EFL1: variants seen among roughly 807,000 people sequenced by gnomAD.
The protein encoded by EFL1 is elongation factor-like GTPase 1.
EFL1 carries 76 observed loss-of-function variants against 126.7 expected under a neutral mutation model. The observed-to-expected ratio is 0.60, with a 90% CI of 0.50 to 0.73. The LOEUF is 0.73. Among genes scored for constraint, EFL1 ranks in the 30% least tolerant of loss-of-function variants. The pLI, the probability that EFL1 is intolerant of heterozygous loss-of-function variation, is 0.00. For synonymous variants in EFL1, 410 were observed against 448.4 expected, an observed-to-expected ratio of 0.91 and a Z score of 1.08; for missense variants, 1,128 against 1,343.2, an observed-to-expected ratio of 0.84 and a Z score of 2.50.
chr15:82,259,381 G>A (rs1457459365), intron 2 of EFL1, among the ~76,000 whole-genome samples: 1 of 152,164 alleles, frequency 6.6e-6, no homozygotes, highest in Non-Finnish European at 1.5e-5. Context: ...CAACCCTGTG[G>A]ATCTACTCAA....
chr15:82,172,514 T>C (rs2074147458), intron 15 of EFL1, among the ~76,000 whole-genome samples: 1 of 152,232 alleles, frequency 6.6e-6, no homozygotes, highest in African/African-American at 2.4e-5. Context: ...GTACAAGAAT[T>C]ACCCTCTTTG....
intron 14 of EFL1, among the ~76,000 whole-genome samples, chr15:82,219,313 A>G (rs1039592736): frequency 6.6e-6 from 1 of 152,080 alleles, no homozygotes; most frequent in African/African-American, 2.4e-5. Flanking sequence ...GGATCTTCCT[A>G]TTTCTCAAAG....
Position 82,259,342 on chromosome 15 carries a change from A to G in EFL1, c.92-187T>C, listed in dbSNP as rs2075093152. 2.0e-5 allele frequency among the ~76,000 whole-genome samples: 3 copies of G among 152,218 alleles called. No homozygotes were observed. In the South Asian group the frequency reaches 6.2e-4, roughly 32 times the overall value. On this transcript the variant is annotated intron_variant, in intron 2 of 19. Coordinates refer to ENST00000268206, the MANE Select transcript of EFL1 (RefSeq NM_024580.6). ...TATCATCTGGAAGGACACAGAGGCT[A>G]GCACTCTATAATGCTGTAATCTTAT...
chr15:82,254,193 C>T (rs868551320), intron 3 of EFL1, among the ~76,000 whole-genome samples: 6 of 152,182 alleles, frequency 3.9e-5, no homozygotes, highest in Non-Finnish European at 4.4e-5. Context: ...TGCAGCATGA[C>T]AGTTACCCTT....
chr15:82,229,361 C>A (rs2074797696), intron 8 of EFL1, among the ~76,000 whole-genome samples: 1 of 152,152 alleles, frequency 6.6e-6, no homozygotes, highest in Non-Finnish European at 1.5e-5. Context: ...GGTCATATTA[C>A]CATGGCTGCC....
In EFL1 at chr15:82,151,835, G is replaced by C. The variant is rs1245091149; in HGVS notation, c.2619C>G (p.Phe873Leu). Residue 873 changes from phenylalanine to leucine, a missense_variant, in exon 18 of 20, where the codon TTC becomes TTG. This residue lies in a region of EFL1 where 561 missense variants were observed against 641.7 expected (regional missense o/e 0.87). Transcript: ENST00000268206. ...TGGGGCCAGAGAGGGTTGCTAGTTG[G>C]AAGCCACTCACAATGCTATTGCCCA... ...RDLGNSIVSG[F>L]QLATLSGPMC... 6.2e-7 allele frequency: 1 copy of C among 1,614,130 alleles called. No homozygotes were observed.
At chr15:82,199,047 G>T (rs1260104109) in intron 15 of EFL1, among the ~76,000 whole-genome samples, 1 of 151,860 alleles carries the variant, frequency 6.6e-6, no homozygotes, top group Non-Finnish European at 1.5e-5. Flanking sequence ...AACAAAACCT[G>T]CTTTTTTTCT....
At chr15:82,250,982 C>A (rs1321049743) in intron 4 of EFL1, among the ~76,000 whole-genome samples, 3 of 152,080 alleles carry the variant, frequency 2.0e-5, no homozygotes, top group Non-Finnish European at 4.4e-5. Context: ...GACACCGAGG[C>A]GGGCGGATCA....
At chr15:82,150,948 G>C (rs2073899972) in intron 18 of EFL1, among the ~76,000 whole-genome samples, 1 of 152,132 alleles carries the variant, frequency 6.6e-6, no homozygotes, top group African/African-American at 2.4e-5. Flanking sequence ...GATTCTATTT[G>C]TTGCAAAAGA....
chr15:82,142,981 G>A (rs369817585), intron 18 of EFL1, among the ~76,000 whole-genome samples: 6 of 152,128 alleles, frequency 3.9e-5, no homozygotes, highest in African/African-American at 1.4e-4. Context: ...TGGCCCTATG[G>A]ATTCTCATAT....
chr15:82,188,429 AC>A (rs764504589), intron 15 of EFL1, among the ~76,000 whole-genome samples: 9 of 152,054 alleles, frequency 5.9e-5, no homozygotes, highest in Non-Finnish European at 1.3e-4. Context: ...AGAAATCTTC[AC>A]TTAATTGGAA....
chr15:82,130,331 T>C lies in EFL1; in HGVS notation c.*42A>G, dbSNP rs201998977. 2.5e-4 allele frequency: 400 copies of C among 1,592,662 alleles called. No individual in the cohort carries two copies. The Middle Eastern group carries it at 2.9e-3, about 11-fold the overall frequency. ...CAATATTAAACCCTTGATGATACTT[T>C]TAAATTCACTATAAGGAAAAGAATC... On this transcript the variant is annotated 3_prime_UTR_variant, in exon 20 of 20. Coordinates refer to ENST00000268206, the MANE Select transcript of EFL1 (RefSeq NM_024580.6).
chr15:82,231,016 T>C (rs766825706), intron 7 of EFL1, 45 bp from the exon 8 acceptor site: 8 of 1,597,094 alleles, frequency 5.0e-6, no homozygotes, highest in Admixed American at 1.7e-5. Context: ...CAACGATTAT[T>C]GATTTCTGTG....
intron 8 of EFL1, among the ~76,000 whole-genome samples, chr15:82,230,118 C>T (rs575243144): frequency 2.0e-5 from 3 of 152,154 alleles, no homozygotes; most frequent in Admixed American, 6.5e-5. Context: ...AGGGCAGCTA[C>T]GTTGTATAAA....
chr15:82,233,313 C>T (rs897084201), intron 7 of EFL1, among the ~76,000 whole-genome samples: 1 of 152,146 alleles, frequency 6.6e-6, no homozygotes, highest in African/African-American at 2.4e-5. Flanking sequence ...TCTAGCACTT[C>T]CCCATTCTTG....
chr15:82,261,061 C>T (rs1403028105), intron 2 of EFL1, among the ~76,000 whole-genome samples: 1 of 152,198 alleles, frequency 6.6e-6, no homozygotes, highest in Admixed American at 6.5e-5. Flanking sequence ...TCCCTCTCCC[C>T]TTGATGACAC....
At chr15:82,249,485 C>A (rs2075002242) in intron 4 of EFL1, among the ~76,000 whole-genome samples, 1 of 152,042 alleles carries the variant, frequency 6.6e-6, no homozygotes, top group African/African-American at 2.4e-5. Context: ...GTAGAAACGA[C>A]TGCAGTATTC....
At chr15:82,208,712 G>T (rs1479497369) in intron 15 of EFL1, among the ~76,000 whole-genome samples, 1 of 151,822 alleles carries the variant, frequency 6.6e-6, no homozygotes, top group Admixed American at 6.6e-5. Flanking sequence ...ATCAATTACA[G>T]CAAGGAGAAA....
intron 16 of EFL1, among the ~76,000 whole-genome samples, chr15:82,161,425 G>A (rs2074023195): frequency 6.6e-6 from 1 of 152,158 alleles, no homozygotes; most frequent in Non-Finnish European, 1.5e-5. Context: ...TAGGAACAAG[G>A]AAGGGAAGTT....
Sources: allele counts gnomAD v4.1 joint callset (sites outside exome capture counted in the v4.1 genomes callset), GRCh38; gene constraint gnomAD v4.1.1; regional missense constraint gnomAD v4.1.1; transcripts MANE v1.5; gene names NCBI Gene and HGNC (gene_info 2026-07-23, HGNC 2026-07-21).